TJAP1: variants seen among roughly 807,000 people sequenced by gnomAD.
TJAP1 encodes tight junction associated protein 1, also known as tight junction-associated protein 1.
TJAP1 carries 27 observed loss-of-function variants against 42.0 expected under a neutral mutation model. That is an observed-to-expected ratio of 0.64 (90% CI 0.47 to 0.89). The LOEUF (loss-of-function observed/expected upper bound fraction) is 0.89. Among genes scored for constraint, TJAP1 ranks in the 40% least tolerant of loss-of-function variants. The probability of loss-of-function intolerance (pLI) is 0.00; values close to 1 mark genes in which losing one functional copy is unlikely to be tolerated. For synonymous variants in TJAP1, 257 were observed against 288.4 expected, an observed-to-expected ratio of 0.89 and a Z score of 1.10; for missense variants, 712 against 726.9, an observed-to-expected ratio of 0.98 and a Z score of 0.24.
At chr6:43,481,586 A>G (rs1375075695) in intron 2 of TJAP1, among the ~76,000 whole-genome samples, 1 of 138,270 alleles carries the variant, frequency 7.2e-6, no homozygotes, top group African/African-American at 2.5e-5. Context: ...AACTACACAG[A>G]AAAAAAAAAA....
At chr6:43,494,179 A>G (rs1371166728) in intron 2 of TJAP1, among the ~76,000 whole-genome samples, 26 of 152,214 alleles carry the variant, frequency 1.7e-4, no homozygotes, top group Admixed American at 1.7e-3. Context: ...CCGACTGGCA[A>G]ATTGCAACAT....
At chr6:43,489,588 T>C (rs532158524) in intron 2 of TJAP1, 11 of 152,498 alleles carry the variant, frequency 7.2e-5, no homozygotes, top group African/African-American at 2.6e-4. Flanking sequence ...CAGCCTAGCT[T>C]TCAGAGTCCT....
chr6:43,485,615 T>A (rs936871023), intron 2 of TJAP1, among the ~76,000 whole-genome samples: 4 of 152,218 alleles, frequency 2.6e-5, no homozygotes, highest in African/African-American at 9.6e-5. Context: ...AACCACACTG[T>A]ACTGGAAGTG....
At chr6:43,504,590 C>A in intron 10 of TJAP1, 171 bp from the exon 11 acceptor site, 1 of 852,844 alleles carries the variant, frequency 1.2e-6, no homozygotes, top group Non-Finnish European at 1.8e-6. Context: ...CTCTCCAGGC[C>A]TATGTGTCTG....
At position 43,491,296 on chromosome 6, in the gene TJAP1, T is replaced by G. The variant is rs1019876248; in HGVS notation, c.-121-6585T>G. Among the ~76,000 whole-genome samples, 49 of 152,272 alleles carry G rather than the reference T, an allele frequency of 3.2e-4. No homozygotes were observed. Among genetic ancestry groups the G allele is most frequent in the African/African-American group, 1.1e-3 (44 of 41,530 alleles). On this transcript the variant is annotated intron_variant, in intron 2 of 10. Transcript: ENST00000372449. This position sits in a 1 kb window ranked among gnomAD's most constrained non-coding sequence, Gnocchi z 4.6. ...GACCAGAAATATCTGTTTGTTTTTT[T>G]GGGTTTTTTTTGAGACAGAGTTTCG...
chr6:43,500,842 G>A (rs1400077537), intron 5 of TJAP1, 70 bp downstream of exon 5: 3 of 1,576,164 alleles, frequency 1.9e-6, no homozygotes, highest in Non-Finnish European at 2.6e-6. Context: ...CTAGACTGTT[G>A]GTACAGTTGG....
rs1286417526 is a variant in TJAP1, at chr6:43,505,533, C to G, written c.1352C>G (p.Ala451Gly). The stretch of plus-strand genomic sequence containing the variant: ...CAGCGCCATTTTGCCCATAGCCCCG[C>G]TGACAGAGATGAGGTGGTCCAGGCA... Residue 451 changes from alanine to glycine, a missense_variant, in exon 11 of 11, where the codon GCT becomes GGT. Physicochemically the swap from Ala to Gly is moderately conservative, Grantham distance 60. This residue lies in a region of TJAP1 where 549 missense variants were observed against 528.2 expected (regional missense o/e 1.04). Coordinates refer to ENST00000372449, the Ensembl canonical transcript of TJAP1. The surrounding 1 kb of genome is among the most constrained non-coding windows in gnomAD (Gnocchi z 5.5). The G allele has an allele frequency of 6.2e-7, 1 of 1,613,944 alleles. No individual in the cohort carries two copies. Among genetic ancestry groups the G allele is most frequent in the Non-Finnish European group, 8.5e-7 (1 of 1,180,046 alleles).
intron 2 of TJAP1, among the ~76,000 whole-genome samples, chr6:43,490,761 T>C (rs887244732): frequency 1.3e-5 from 2 of 152,180 alleles, no homozygotes; most frequent in South Asian, 2.1e-4. Flanking sequence ...TGGTGGACTT[T>C]AGCCATGAAA....
At chr6:43,496,029 G>T (rs1224799710) in intron 2 of TJAP1, among the ~76,000 whole-genome samples, 1 of 152,146 alleles carries the variant, frequency 6.6e-6, no homozygotes, top group Non-Finnish European at 1.5e-5. Flanking sequence ...AGGAATAGAG[G>T]AGGGGCACAC....
At chr6:43,485,799 G>A (rs1372647918) in intron 2 of TJAP1, among the ~76,000 whole-genome samples, 1 of 152,166 alleles carries the variant, frequency 6.6e-6, no homozygotes, top group African/African-American at 2.4e-5. Flanking sequence ...AAAGAAGATG[G>A]AATCTATCTG....
chr6:43,493,771 G>A (rs112791434), intron 2 of TJAP1, among the ~76,000 whole-genome samples: 3,951 of 152,168 alleles, frequency 0.026, 160 homozygotes, highest in African/African-American at 0.087. Flanking sequence ...ATATTGGGGA[G>A]CAGCAGGATT....
chr6:43,501,891 C>CCCCACACA (rs1491257382), intron 6 of TJAP1, among the ~76,000 whole-genome samples: 1 of 39,070 alleles, frequency 2.6e-5, no homozygotes, highest in Non-Finnish European at 4.8e-5. Context: ...GAATGCGGGG[C>CCCCACACA]CACACACACA....
chr6:43,505,714 C>T lies in TJAP1; in HGVS notation c.1533C>T (p.Gly511=). The T allele has an allele frequency of 1.9e-6, 3 of 1,577,054 alleles. No individual in the cohort carries two copies. Among genetic ancestry groups the T allele is most frequent in the Non-Finnish European group, 2.6e-6 (3 of 1,160,552 alleles). ...ACAGGGGCACAGAGGAGGGGCCAGG[C>T]ACTTCCCACACCGAGGGCAGGGCCT... Residue 511 remains glycine (G), a synonymous_variant, in exon 11 of 11, where the codon GGC becomes GGT. Coordinates refer to ENST00000372449, the Ensembl canonical transcript of TJAP1. The surrounding 1 kb of genome is among the most constrained non-coding windows in gnomAD (Gnocchi z 5.5).
intron 2 of TJAP1, among the ~76,000 whole-genome samples, chr6:43,490,552 A>G (rs1313949742): frequency 6.6e-6 from 1 of 152,160 alleles, no homozygotes; most frequent in Non-Finnish European, 1.5e-5. Context: ...ATCAGCTGCA[A>G]GGTTCTCTTT....
intron 4 of TJAP1, among the ~76,000 whole-genome samples, chr6:43,500,200 A>G (rs1356194246): frequency 6.6e-6 from 1 of 152,190 alleles, no homozygotes; most frequent in Non-Finnish European, 1.5e-5. Context: ...AAGATGGGGC[A>G]GGAGGTTAAA....
chr6:43,501,962 A>G (rs1043020730), intron 6 of TJAP1, among the ~76,000 whole-genome samples: 29 of 120,702 alleles, frequency 2.4e-4, no homozygotes, highest in Admixed American at 2.3e-3. Flanking sequence ...CTCTCCTTTC[A>G]TAGGAGGTTA....
At position 43,505,770 on chromosome 6, in the gene TJAP1, G is replaced by A. The variant is rs1792241052; in HGVS notation, c.1589G>A (p.Arg530His). Residue 530 changes from arginine (R) to histidine (H), a missense_variant, in exon 11 of 11, where the codon CGC becomes CAC. Coordinates refer to ENST00000372449, the Ensembl canonical transcript of TJAP1. The surrounding 1 kb of genome is among the most constrained non-coding windows in gnomAD (Gnocchi z 5.5). ...CTCCCCAGCTCCAGTCGCCCCCAGC[G>A]CAGCCCCAAGAGGATGGGGGTTCAC... The A allele has an allele frequency of 5.3e-6, 8 of 1,514,788 alleles. No homozygotes were observed. The highest frequency in any genetic ancestry group is 4.2e-5 in the African/African-American group (3 of 71,634). The allele number at this position is 1,514,788 out of a possible 1,614,324, so 93.8% of individuals were successfully genotyped here.
At chr6:43,504,725 T>A in intron 10 of TJAP1, 36 bp from the exon 11 acceptor site, 1 of 1,590,874 alleles carries the variant, frequency 6.3e-7, no homozygotes, top group Non-Finnish European at 8.6e-7. Context: ...TTGGCTGCGA[T>A]CATTGATGTC....
At chr6:43,490,979 G>C (rs1284287339) in intron 2 of TJAP1, among the ~76,000 whole-genome samples, 1 of 152,180 alleles carries the variant, frequency 6.6e-6, no homozygotes, top group South Asian at 2.1e-4. Context: ...TTGTTTCCTG[G>C]TGTTCCACAC....
Sources: allele counts gnomAD v4.1 joint callset (sites outside exome capture counted in the v4.1 genomes callset), GRCh38; gene constraint gnomAD v4.1.1; regional missense constraint gnomAD v4.1.1; non-coding constraint Gnocchi (gnomAD v3.1); transcripts MANE v1.5; gene names NCBI Gene and HGNC (gene_info 2026-07-23, HGNC 2026-07-21).